The following CADM2 variants were observed in gnomAD, a reference collection of about 807,000 sequenced individuals.
CADM2 encodes cell adhesion molecule 2.
In CADM2, 12 loss-of-function variants were observed where a neutral mutation model predicts 49.8. The ratio of observed to expected loss-of-function variants is 0.24; its 90% CI spans 0.15 to 0.39. The LOEUF is 0.39. Among genes scored for constraint, CADM2 ranks in the 10% least tolerant of loss-of-function variants. The probability of loss-of-function intolerance (pLI) is 1.00; values close to 1 mark genes in which losing one functional copy is unlikely to be tolerated. For missense variants in CADM2, 378 were observed against 492.3 expected (o/e 0.77, Z 2.20); for synonymous variants, 214 against 175.4 (o/e 1.22, Z -1.74).
At chr3:85,515,506 C>G (rs900200835) in intron 1 of CADM2, among the ~76,000 whole-genome samples, 21 of 149,154 alleles carry the variant, frequency 1.4e-4, no homozygotes, top group Admixed American at 6.7e-4. Flanking sequence ...TCACAACAAC[C>G]TCTGCCCCCG....
intron 3 of CADM2, among the ~76,000 whole-genome samples, chr3:85,849,352 G>A (rs551194278): frequency 1.0e-4 from 15 of 149,608 alleles, no homozygotes; most frequent in Admixed American, 2.0e-4. Flanking sequence ...CTTAGGAATC[G>A]TATATATGCT....
intron 2 of CADM2, among the ~76,000 whole-genome samples, chr3:85,792,168 T>A (rs1338089503): frequency 1.3e-5 from 2 of 152,164 alleles, no homozygotes; most frequent in African/African-American, 4.8e-5. Flanking sequence ...AACAAAAAAA[T>A]ATTTTAAAAA....
intron 1 of CADM2, among the ~76,000 whole-genome samples, chr3:85,347,947 A>G (rs1559792897): frequency 6.6e-6 from 1 of 151,886 alleles, no homozygotes. Context: ...AGCTGGGACT[A>G]CAGGCGCCCA....
At chr3:85,943,598 C>G (rs1228999674) in intron 7 of CADM2, among the ~76,000 whole-genome samples, 1 of 151,972 alleles carries the variant, frequency 6.6e-6, no homozygotes, top group Non-Finnish European at 1.5e-5. Context: ...AGAGTCAATC[C>G]TAAGACAAAA....
intron 1 of CADM2, among the ~76,000 whole-genome samples, chr3:85,624,999 AACCT>A (rs1458679406): frequency 6.6e-6 from 1 of 152,076 alleles, no homozygotes; most frequent in African/African-American, 2.4e-5. Flanking sequence ...ACAACTTTCT[AACCT>A]AACTAAGCTT....
intron 1 of CADM2, among the ~76,000 whole-genome samples, chr3:84,976,269 G>T (rs2031809274): frequency 6.6e-6 from 1 of 151,502 alleles, no homozygotes; most frequent in Non-Finnish European, 1.5e-5. Flanking sequence ...CTTTTTGAAA[G>T]TTGACATTTT....
At chr3:85,362,780 C>CT (rs1264722860) in intron 1 of CADM2, among the ~76,000 whole-genome samples, 1 of 152,128 alleles carries the variant, frequency 6.6e-6, no homozygotes, top group East Asian at 1.9e-4. Context: ...AAAGGTACTT[C>CT]TTTCACATTT....
At chr3:85,672,247 C>A (rs928493473) in intron 1 of CADM2, among the ~76,000 whole-genome samples, 12 of 142,080 alleles carry the variant, frequency 8.4e-5, no homozygotes, top group African/African-American at 2.9e-4. Context: ...GGCCAGAGTG[C>A]AGTGGCATGA....
chr3:86,016,873 G>T (rs1009337945), intron 8 of CADM2, among the ~76,000 whole-genome samples: 2 of 151,980 alleles, frequency 1.3e-5, no homozygotes, highest in Non-Finnish European at 2.9e-5. Context: ...TCAATGAGGG[G>T]TTTAAAACAA....
rs571567032 is a variant in CADM2, at chr3:85,549,865, C to T, written c.62-176657C>T. 8.0e-5 allele frequency among the ~76,000 whole-genome samples: 12 copies of T among 150,810 alleles called. No individual in the cohort carries two copies. The East Asian group carries it at 9.8e-4, about 12-fold the overall frequency. On this transcript the variant is annotated intron_variant, in intron 1 of 9. Transcript: ENST00000383699. ...CAGGCTGGTTTCAAACTCCTGGCCA[C>T]GAGTGATTTGCCCGCCTCGGCCTCC... is the stretch of plus-strand genomic sequence containing the variant.
At chr3:85,659,873 C>T (rs2065345680) in intron 1 of CADM2, among the ~76,000 whole-genome samples, 3 of 152,106 alleles carry the variant, frequency 2.0e-5, no homozygotes, top group Admixed American at 1.3e-4. Context: ...AACTTGAGCA[C>T]AAGGTGTGCA....
chr3:85,780,637 C>T (rs1323817557), intron 2 of CADM2, among the ~76,000 whole-genome samples: 1 of 152,160 alleles, frequency 6.6e-6, no homozygotes, highest in African/African-American at 2.4e-5. Flanking sequence ...GTCCCTCAGG[C>T]ATATGTTGAT....
chr3:85,393,349 G>A (rs914979273), intron 1 of CADM2, among the ~76,000 whole-genome samples: 1 of 152,140 alleles, frequency 6.6e-6, no homozygotes, highest in African/African-American at 2.4e-5. Flanking sequence ...ATTTGGAAGT[G>A]ATGGTGGTAC....
Position 84,959,635 on chromosome 3 carries a change from C to A in CADM2, c.28C>A (p.Arg10Ser), listed in dbSNP as rs2030249999. The A allele has an allele frequency of 1.3e-6, 2 of 1,536,996 alleles. No homozygotes were observed. The highest frequency in any genetic ancestry group is 2.7e-5 in the African/African-American group (2 of 73,000). MIWKRSAVL[R>S]FYSVCGLLLQ... ...GATTTGGAAACGCAGCGCCGTTCTC[C>A]GCTTCTACAGTGTCTGCGGGCTCCT... is the stretch of plus-strand genomic sequence containing the variant. Residue 10 changes from arginine to serine, a missense_variant, in exon 1 of 10, where the codon CGC becomes AGC. Physicochemically the swap from Arg to Ser is moderately radical, Grantham distance 110. Transcript: ENST00000383699.
At chr3:85,341,074 A>G (rs2045227819) in intron 1 of CADM2, among the ~76,000 whole-genome samples, 1 of 151,718 alleles carries the variant, frequency 6.6e-6, no homozygotes. Context: ...TTTATTTTTC[A>G]AGCTTTTCTC....
intron 1 of CADM2, among the ~76,000 whole-genome samples, chr3:85,686,944 T>G (rs2066235297): frequency 1.3e-5 from 2 of 152,174 alleles, no homozygotes. Flanking sequence ...CTCCCTAAAA[T>G]GCGTAAAACC....
intron 1 of CADM2, among the ~76,000 whole-genome samples, chr3:85,693,717 A>G (rs2066461026): frequency 7.5e-6 from 1 of 133,900 alleles, no homozygotes; most frequent in Admixed American, 7.7e-5. Flanking sequence ...AAAACCACGT[A>G]TCTACCAAAA....
At chr3:85,899,871 C>G (rs759148538) in intron 5 of CADM2, among the ~76,000 whole-genome samples, 1 of 152,150 alleles carries the variant, frequency 6.6e-6, no homozygotes, top group Non-Finnish European at 1.5e-5. Flanking sequence ...TTTCCTTACA[C>G]AGATGCACTG....
At chr3:85,057,566 G>A (rs1197078403) in intron 1 of CADM2, among the ~76,000 whole-genome samples, 8 of 151,906 alleles carry the variant, frequency 5.3e-5, no homozygotes, top group Admixed American at 3.3e-4. Flanking sequence ...ATGTGATACC[G>A]TTTGTTTCTT....
Sources: allele counts gnomAD v4.1 joint callset (sites outside exome capture counted in the v4.1 genomes callset), GRCh38; gene constraint gnomAD v4.1.1; transcripts MANE v1.5; gene names NCBI Gene and HGNC (gene_info 2026-07-23, HGNC 2026-07-21).